Variants in CRACR2A observed in about 807,000 individuals in gnomAD.
CRACR2A encodes the protein EF-hand calcium-binding domain-containing protein 4B.
Under a neutral mutation model 90.5 loss-of-function variants are expected in CRACR2A, and 79 were observed. The ratio of observed to expected loss-of-function variants is 0.87; its 90% CI spans 0.73 to 1.05. The LOEUF (loss-of-function observed/expected upper bound fraction) is 1.05. Ranked by LOEUF, CRACR2A falls within the 50% of genes least tolerant of loss-of-function variation. The probability of loss-of-function intolerance (pLI) is 0.00; values close to 1 mark genes in which losing one functional copy is unlikely to be tolerated. For missense variants in CRACR2A, 823 were observed against 897.2 expected (o/e 0.92, Z 1.06); for synonymous variants, 338 against 356.7 (o/e 0.95, Z 0.59).
At chr12:3,672,435 A>G (rs2137572373) in intron 7 of CRACR2A, among the ~76,000 whole-genome samples, 1 of 152,356 alleles carries the variant, frequency 6.6e-6, no homozygotes, top group East Asian at 1.9e-4. Flanking sequence ...GGCTTCCTAC[A>G]GAAAATGAGC....
At chr12:3,728,723 G>GA (rs1946311881) in intron 2 of CRACR2A, 1 of 152,302 alleles carries the variant, frequency 6.6e-6, no homozygotes, top group Non-Finnish European at 1.5e-5. Context: ...TAAACAAATG[G>GA]CCAGGAATGA....
Position 3,659,670 on chromosome 12 carries a change from AAGGAG to A in CRACR2A, c.672-21_672-17del. 6.2e-7 allele frequency: 1 copy of A among 1,609,824 alleles called. No individual in the cohort carries two copies. The highest frequency in any genetic ancestry group is 8.5e-7 in the Non-Finnish European group (1 of 1,176,074). Reference sequence around the variant, plus strand: ...AGCAATTTTCCTACAGAGGTGGCAAAAGGAGAGTCTCATTGAGGTTCCCCTACTCC... The same window carrying A: ...AGCAATTTTCCTACAGAGGTGGCAAAAGTCTCATTGAGGTTCCCCTACTCC... On this transcript the variant is annotated splice_polypyrimidine_tract_variant and intron_variant, in intron 7 of 19. Transcript: ENST00000440314.
intron 4 of CRACR2A, among the ~76,000 whole-genome samples, chr12:3,680,554 G>A (rs551265659): frequency 1.3e-5 from 2 of 152,186 alleles, no homozygotes; most frequent in Non-Finnish European, 2.9e-5. Flanking sequence ...GGGTGCCTAC[G>A]AATGTACTAG....
At chr12:3,708,586 G>T (rs536644087) in intron 3 of CRACR2A, among the ~76,000 whole-genome samples, 8 of 152,054 alleles carry the variant, frequency 5.3e-5, no homozygotes, top group African/African-American at 1.9e-4. Flanking sequence ...CACCACGCCC[G>T]GCTAATTTTT....
Position 3,648,535 on chromosome 12 carries a change from G to T in CRACR2A, c.1118+7C>A, listed in dbSNP as rs143542484. 4.3e-6 allele frequency: 7 copies of T among 1,614,044 alleles called. No individual in the cohort carries two copies. Among genetic ancestry groups the T allele is most frequent in the Non-Finnish European group, 5.9e-6 (7 of 1,180,042 alleles). The stretch of plus-strand genomic sequence containing the variant: ...CTCTCAGCACAGGCCAGTGCCCACC[G>T]ACGCACCTTAGGAAATCCAGCTGCT... On this transcript the variant is annotated splice_region_variant and intron_variant, in intron 11 of 19. Transcript: ENST00000440314.
intron 19 of CRACR2A, among the ~76,000 whole-genome samples, chr12:3,616,447 A>G (rs975575515): frequency 1.3e-5 from 2 of 152,212 alleles, no homozygotes; most frequent in Admixed American, 6.5e-5. Context: ...CAGTCTTTTC[A>G]TGCTACCAGC....
intron 5 of CRACR2A, among the ~76,000 whole-genome samples, 156 bp from the exon 6 acceptor site, chr12:3,679,254 A>G (rs1945400728): frequency 6.6e-6 from 1 of 152,184 alleles, no homozygotes; most frequent in Non-Finnish European, 1.5e-5. Context: ...GGGTCCGTGG[A>G]CACGTTCCAG....
At chr12:3,687,662 A>G (rs1945584815) in intron 4 of CRACR2A, among the ~76,000 whole-genome samples, 1 of 152,130 alleles carries the variant, frequency 6.6e-6, no homozygotes, top group African/African-American at 2.4e-5. Flanking sequence ...GGACACATAC[A>G]TGTGTCTTTG....
intron 2 of CRACR2A, among the ~76,000 whole-genome samples, chr12:3,721,237 G>C (rs1217385904): frequency 6.6e-6 from 1 of 151,820 alleles, no homozygotes; most frequent in Non-Finnish European, 1.5e-5. Context: ...TAGGAACGGG[G>C]TAAAAAGCAA....
intron 13 of CRACR2A, 47 bp downstream of exon 13, chr12:3,641,685 A>G (rs1944574598): frequency 1.3e-6 from 2 of 1,524,618 alleles, no homozygotes; most frequent in African/African-American, 2.8e-5. Context: ...GCCAGCTCCC[A>G]ATGAGCCTGA....
rs375383205 is a variant in CRACR2A at position 3,615,459 on chromosome 12, C to T, written c.2112-20G>A. 5 of 1,540,064 alleles carry T rather than the reference C, an allele frequency of 3.2e-6. No homozygotes were observed. Among genetic ancestry groups the T allele is most frequent in the African/African-American group, 2.7e-5 (2 of 72,884 alleles). On this transcript the variant is annotated intron_variant, in intron 19 of 19. Transcript: ENST00000440314. ...AGGAACCTGGGAGAGGGGAAGAGAT[C>T]GTGTCAGTGATGGAGAAGTTGATAG...
chr12:3,725,396 A>G (rs1464523357), intron 2 of CRACR2A, among the ~76,000 whole-genome samples: 3 of 152,090 alleles, frequency 2.0e-5, no homozygotes, highest in East Asian at 1.9e-4. Flanking sequence ...GCTTGAGGCT[A>G]TATCACTCCA....
chr12:3,627,738 C>T (rs938548319), intron 15 of CRACR2A, 32 bp from the exon 16 acceptor site: 4 of 1,546,992 alleles, frequency 2.6e-6, no homozygotes, highest in Non-Finnish European at 3.5e-6. Flanking sequence ...TCAGGGCTGC[C>T]CTGGGCCAGG....
intron 10 of CRACR2A, among the ~76,000 whole-genome samples, chr12:3,649,836 GAAGGAAGGAATGAAGGAAGGAGAAA>G (rs1253145568): frequency 1.3e-5 from 2 of 150,368 alleles, no homozygotes; most frequent in Non-Finnish European, 2.9e-5. Flanking sequence ...AGGAAGAGAG[GAAGGAAGGAATGAAGGAAGGAGAAA>G]AAGGAAGAAA....
chr12:3,623,553 C>T (rs936628879), intron 17 of CRACR2A, among the ~76,000 whole-genome samples: 12 of 152,166 alleles, frequency 7.9e-5, no homozygotes, highest in Admixed American at 2.0e-4. Context: ...TCCAGTTTGT[C>T]CCATGGCCAC....
chr12:3,639,845 A>G (rs1944531901), intron 13 of CRACR2A, among the ~76,000 whole-genome samples: 1 of 152,174 alleles, frequency 6.6e-6, no homozygotes, highest in African/African-American at 2.4e-5. Context: ...AAAAAAGCCA[A>G]ATGTCTTCTT....
intron 1 of CRACR2A, among the ~76,000 whole-genome samples, chr12:3,741,032 T>A (rs541156376): frequency 2.0e-5 from 3 of 152,250 alleles, no homozygotes; most frequent in East Asian, 3.9e-4. Context: ...GCCTCCACCC[T>A]CTACATCCCT....
At chr12:3,726,669 A>C (rs185735293) in intron 2 of CRACR2A, 2 of 152,272 alleles carry the variant, frequency 1.3e-5, no homozygotes, top group East Asian at 3.9e-4. Context: ...AAGGAAGCAC[A>C]GGATCCTGTC....
intron 4 of CRACR2A, among the ~76,000 whole-genome samples, chr12:3,683,093 T>C (rs2137631121): frequency 6.6e-6 from 1 of 152,320 alleles, no homozygotes; most frequent in East Asian, 1.9e-4. Flanking sequence ...GCCTACATTT[T>C]TAACTAAGTG....
Sources: allele counts gnomAD v4.1 joint callset (sites outside exome capture counted in the v4.1 genomes callset), GRCh38; gene constraint gnomAD v4.1.1; transcripts MANE v1.5; gene names NCBI Gene and HGNC (gene_info 2026-07-23, HGNC 2026-07-21).